Variants in CSMD1 observed in about 807,000 individuals in gnomAD.
The protein encoded by CSMD1 is CUB and sushi domain-containing protein 1.
CSMD1 carries 213 observed loss-of-function variants against 417.5 expected under a neutral mutation model. That is an observed-to-expected ratio of 0.51 (90% CI 0.46 to 0.57). CSMD1 has a LOEUF of 0.57. CSMD1 is among the 20% of genes least tolerant of loss of function. The probability of loss-of-function intolerance (pLI) is 0.00; values close to 1 mark genes in which losing one functional copy is unlikely to be tolerated. For synonymous variants in CSMD1, 2,862 were observed against 1,736.8 expected, an observed-to-expected ratio of 1.65 and a Z score of -16.11; for missense variants, 6,923 against 4,529.7, an observed-to-expected ratio of 1.53 and a Z score of -15.17.
chr8:4,391,689 C>T lies in CSMD1; in HGVS notation c.415+28264G>A, dbSNP rs546620453. On this transcript the variant is annotated intron_variant, in intron 3 of 69. Transcript: ENST00000635120. The stretch of plus-strand genomic sequence containing the variant: ...GACGGCTTACTTCCACTTAGCTCTT[C>T]GCCACCACCAGCTTCCCCATGTGAA... 5.3e-5 allele frequency among the ~76,000 whole-genome samples: 8 copies of T among 152,248 alleles called. No homozygotes were observed. In the East Asian group the frequency reaches 7.8e-4, roughly 15 times the overall value.
chr8:4,837,531 G>A (rs941567655), intron 1 of CSMD1, among the ~76,000 whole-genome samples: 3 of 152,142 alleles, frequency 2.0e-5, no homozygotes, highest in African/African-American at 4.8e-5. Context: ...TGCAGCTTTG[G>A]TTCTTATCTG....
chr8:4,130,740 A>G (rs1183086796), intron 3 of CSMD1, among the ~76,000 whole-genome samples: 2 of 152,106 alleles, frequency 1.3e-5, no homozygotes, highest in African/African-American at 2.4e-5. Flanking sequence ...TATCAACTCA[A>G]AGGAAGATTT....
chr8:3,518,261 A>G (rs1797363500), intron 10 of CSMD1, among the ~76,000 whole-genome samples: 1 of 152,158 alleles, frequency 6.6e-6, no homozygotes, highest in African/African-American at 2.4e-5. Context: ...GTTTCTTCAA[A>G]TAAGAGAAAA....
chr8:4,923,358 G>C (rs1029290098), intron 1 of CSMD1, among the ~76,000 whole-genome samples: 3 of 152,022 alleles, frequency 2.0e-5, no homozygotes, highest in South Asian at 2.1e-4. Flanking sequence ...TAAAGGGTTG[G>C]CATACATTTT....
chr8:2,964,879 G>C (rs928322553), intron 59 of CSMD1, among the ~76,000 whole-genome samples: 1 of 152,144 alleles, frequency 6.6e-6, no homozygotes, highest in East Asian at 1.9e-4. Context: ...ATTTAACCAT[G>C]TGTCTTGCAG....
chr8:4,065,328 C>G (rs1365272), intron 3 of CSMD1, among the ~76,000 whole-genome samples: 7 of 152,164 alleles, frequency 4.6e-5, no homozygotes, highest in Admixed American at 1.3e-4. Flanking sequence ...TACATTTAAC[C>G]AGAATAAGGC....
intron 52 of CSMD1, among the ~76,000 whole-genome samples, chr8:3,012,734 A>G (rs1376668444): frequency 1.3e-5 from 2 of 152,140 alleles, no homozygotes; most frequent in Non-Finnish European, 2.9e-5. Flanking sequence ...AAAATACACA[A>G]ATGAAAGGGG....
chr8:3,204,394 T>C (rs536969507), intron 31 of CSMD1, among the ~76,000 whole-genome samples: 8 of 107,826 alleles, frequency 7.4e-5, no homozygotes, highest in South Asian at 3.0e-4. Context: ...GCTGAGCATT[T>C]AGGTAAAAAA....
intron 8 of CSMD1, 136 bp downstream of exon 8, chr8:3,616,574 A>G (rs1258147064): frequency 6.5e-6 from 4 of 613,084 alleles, no homozygotes; most frequent in Non-Finnish European, 1.1e-5. Flanking sequence ...AATTGTGATT[A>G]CACACATTTA....
intron 1 of CSMD1, among the ~76,000 whole-genome samples, chr8:4,861,562 G>A (rs1311967141): frequency 1.3e-5 from 2 of 152,138 alleles, no homozygotes; most frequent in African/African-American, 4.8e-5. Flanking sequence ...GAAGAAAAAT[G>A]CAAACACTAT....
At chr8:4,857,934 T>C (rs1188757954) in intron 1 of CSMD1, among the ~76,000 whole-genome samples, 1 of 151,972 alleles carries the variant, frequency 6.6e-6, no homozygotes, top group Non-Finnish European at 1.5e-5. Flanking sequence ...ATCATTCTGA[T>C]ACCAAAGCCA....
intron 26 of CSMD1, among the ~76,000 whole-genome samples, chr8:3,263,715 C>T (rs1361781248): frequency 6.6e-6 from 1 of 152,126 alleles, no homozygotes; most frequent in Non-Finnish European, 1.5e-5. Context: ...ATTTGAATCA[C>T]TTATCCCAAT....
chr8:3,160,806 G>C (rs138139499), intron 38 of CSMD1, among the ~76,000 whole-genome samples: 40 of 152,300 alleles, frequency 2.6e-4, no homozygotes, highest in African/African-American at 8.7e-4. Context: ...GGTTGATCAG[G>C]AGAAGTGAGA....
chr8:3,481,764 G>A (rs930594270), intron 11 of CSMD1, among the ~76,000 whole-genome samples: 1 of 152,160 alleles, frequency 6.6e-6, no homozygotes, highest in Non-Finnish European at 1.5e-5. Flanking sequence ...AGGAACGCCA[G>A]CAGCTGCCCT....
chr8:3,295,080 A>C (rs922917614), intron 25 of CSMD1, among the ~76,000 whole-genome samples: 1 of 151,964 alleles, frequency 6.6e-6, no homozygotes, highest in Non-Finnish European at 1.5e-5. Context: ...ATATTACTTG[A>C]CATGTGTGTG....
intron 1 of CSMD1, among the ~76,000 whole-genome samples, chr8:4,967,313 T>C (rs1809933737): frequency 6.6e-6 from 1 of 152,184 alleles, no homozygotes; most frequent in African/African-American, 2.4e-5. Flanking sequence ...AAGTTGTCCT[T>C]CTCTGAACAA....
chr8:3,506,354 G>C (rs568980930), intron 10 of CSMD1, among the ~76,000 whole-genome samples: 45 of 152,306 alleles, frequency 3.0e-4, no homozygotes, highest in African/African-American at 1.0e-3. Flanking sequence ...GCCGGAGTTT[G>C]CATGCTAACA....
At chr8:4,366,239 G>A (rs991660679) in intron 3 of CSMD1, among the ~76,000 whole-genome samples, 1 of 139,058 alleles carries the variant, frequency 7.2e-6, no homozygotes, top group South Asian at 2.3e-4. Flanking sequence ...CCATGTAGCT[G>A]CAAAAGACGT....
At chr8:4,755,586 C>A (rs1486418908) in intron 1 of CSMD1, among the ~76,000 whole-genome samples, 1 of 152,148 alleles carries the variant, frequency 6.6e-6, no homozygotes, top group African/African-American at 2.4e-5. Flanking sequence ...TCTACTGTCA[C>A]GTTGATTTTA....
Sources: allele counts gnomAD v4.1 joint callset (sites outside exome capture counted in the v4.1 genomes callset), GRCh38; gene constraint gnomAD v4.1.1; transcripts MANE v1.5; gene names NCBI Gene and HGNC (gene_info 2026-07-23, HGNC 2026-07-21).